TNS2: variants seen among roughly 807,000 people sequenced by gnomAD.
TNS2 encodes the protein tensin 2, also known as tensin-2.
In TNS2, 77 loss-of-function variants were observed where a neutral mutation model predicts 155.7. The ratio of observed to expected loss-of-function variants is 0.49; its 90% CI spans 0.41 to 0.60. The LOEUF (loss-of-function observed/expected upper bound fraction) is 0.60, where lower values mean the gene tolerates loss of function less well. TNS2 is among the 20% of genes least tolerant of loss of function. The probability of loss-of-function intolerance (pLI) is 0.00; values close to 1 mark genes in which losing one functional copy is unlikely to be tolerated. For missense variants in TNS2, 1,703 were observed against 1,868.8 expected (o/e 0.91, Z 1.64); for synonymous variants, 726 against 763.9 (o/e 0.95, Z 0.82).
In TNS2 at chr12:53,050,093, C is replaced by G; in HGVS notation, c.-93C>G. On this transcript the variant is annotated 5_prime_UTR_variant, in exon 1 of 29. Coordinates refer to ENST00000314250, the MANE Select transcript of TNS2 (RefSeq NM_170754.4). The surrounding 1 kb of genome is among the most constrained non-coding windows in gnomAD (Gnocchi z 4.7). ...CAGCCTACCCTCCGCCCAGGGGAAGCGGCTGCCTCCGCCAGGCCGCTTCCA... is the reference window on the plus strand; with the variant it reads ...CAGCCTACCCTCCGCCCAGGGGAAGGGGCTGCCTCCGCCAGGCCGCTTCCA... 3 of 1,548,824 alleles carry G rather than the reference C, an allele frequency of 1.9e-6. No homozygotes were observed. The highest frequency in any genetic ancestry group is 2.6e-6 in the Non-Finnish European group (3 of 1,150,430).
Position 53,063,746 on chromosome 12 carries a change from T to C in TNS2, c.4094T>C (p.Ile1365Thr). 1 of 1,614,114 alleles carries C rather than the reference T, an allele frequency of 6.2e-7. No homozygotes were observed. Residue 1365 changes from isoleucine to threonine, a missense_variant and splice_region_variant, in exon 29 of 29, where the codon ATC (isoleucine) becomes ACC (threonine). By Grantham distance (89) the Ile-to-Thr change is moderately conservative (BLOSUM62 -1). Coordinates refer to ENST00000314250, the MANE Select transcript of TNS2 (RefSeq NM_170754.4). The surrounding 1 kb of genome is among the most constrained non-coding windows in gnomAD (Gnocchi z 5.6). ...WTNPDGTTSK[I>T]FGFVAKKPGS... ...TTCCCCACCCTTTATCCCCCTAGGA[T>C]CTTTGGTTTCGTGGCCAAGAAGCCG... is the stretch of plus-strand genomic sequence containing the variant.
Position 53,061,858 on chromosome 12 carries a change from C to G in TNS2, c.3492C>G (p.Ile1164Met). The G allele has an allele frequency of 4.3e-6, 7 of 1,613,822 alleles. No individual in the cohort carries two copies. Among genetic ancestry groups the G allele is most frequent in the Non-Finnish European group, 5.9e-6 (7 of 1,179,996 alleles). ...LKDKDPGAFLIRDSHSFQGAY... is the reference protein window; with the variant it reads ...LKDKDPGAFLMRDSHSFQGAY... ...ACAAGGACCCTGGGGCCTTCCTGAT[C>G]AGGGACAGTCATTCATTCCAAGGAG... Residue 1164 changes from isoleucine to methionine, a missense_variant, in exon 22 of 29, where the codon ATC (isoleucine) becomes ATG (methionine). By Grantham distance (10) the Ile-to-Met change is conservative (BLOSUM62 1). Transcript: ENST00000314250.
Position 53,059,698 on chromosome 12 carries a change from C to T in TNS2, c.2057C>T (p.Ala686Val), listed in dbSNP as rs771304396. ...VVILEDPGLP[A>V]LYPCPACEEK... ...ATCCTGGAGGACCCTGGGCTGCCTG[C>T]CCTATACCCATGCCCAGCCTGCGAG... Residue 686 changes from alanine to valine, a missense_variant, in exon 18 of 29, where the codon GCC (alanine) becomes GTC (valine). By Grantham distance (64) the Ala-to-Val change is moderately conservative. Transcript: ENST00000314250. The surrounding 1 kb of genome is among the most constrained non-coding windows in gnomAD (Gnocchi z 4.7). 38 of 1,613,080 alleles carry T rather than the reference C, an allele frequency of 2.4e-5. No homozygotes were observed. Among genetic ancestry groups the T allele is most frequent in the African/African-American group, 1.3e-5 (1 of 74,912 alleles).
In TNS2 at chr12:53,060,704, C is replaced by T; in HGVS notation, c.2798C>T (p.Thr933Ile). 6.3e-7 allele frequency: 1 copy of T among 1,588,874 alleles called. No individual in the cohort carries two copies. The highest frequency in any genetic ancestry group is 8.6e-7 in the Non-Finnish European group (1 of 1,164,002). ...STRRQDTRSP[T>I]SAPTQRLSPG... is the part of the protein sequence containing the mutation. ...CGGCGACAGGACACCAGGTCCCCCACCTCAGCGCCCACTCAGAGACTGAGT... is the reference window on the plus strand; with the variant it reads ...CGGCGACAGGACACCAGGTCCCCCATCTCAGCGCCCACTCAGAGACTGAGT... Residue 933 changes from threonine to isoleucine, a missense_variant, in exon 20 of 29, where the codon ACC becomes ATC. Transcript: ENST00000314250. This position sits in a 1 kb window ranked among gnomAD's most constrained non-coding sequence, Gnocchi z 6.1.
chr12:53,056,253 A>C, intron 10 of TNS2: 1 of 163,362 alleles, frequency 6.1e-6, no homozygotes, highest in Non-Finnish European at 1.3e-5. Flanking sequence ...CCAGCTACTC[A>C]GGAGGCTGAG....
Position 53,052,456 on chromosome 12 carries a change from C to T in TNS2, c.186C>T (p.Val62=). 1 of 1,614,030 alleles carries T rather than the reference C, an allele frequency of 6.2e-7. No homozygotes were observed. Among genetic ancestry groups the T allele is most frequent in the East Asian group, 2.2e-5 (1 of 44,870 alleles). Residue 62 remains valine (V), a splice_region_variant and synonymous_variant, in exon 3 of 29, where the codon GTC becomes GTT. Coordinates refer to ENST00000314250, the MANE Select transcript of TNS2 (RefSeq NM_170754.4). ...CTCTCCTCCCCTTACCTTCCCTAGT[C>T]TGCAAGGTGGCGACGCACAGAAAAT... The part of the protein sequence containing the change: ...TIDGTGVSCR[V]CKVATHRKCE...
Position 53,063,709 on chromosome 12 carries a change from A to G in TNS2, c.4092-35A>G, listed in dbSNP as rs777966272. Reference sequence around the variant, plus strand: ...CCAGCTACATTCCCTTGTGGAAGGAATGTTAAGCCCCTTCCCCACCCTTTA... The same window carrying G: ...CCAGCTACATTCCCTTGTGGAAGGAGTGTTAAGCCCCTTCCCCACCCTTTA... On this transcript the variant is annotated intron_variant, in intron 28 of 28. Coordinates refer to ENST00000314250, the MANE Select transcript of TNS2 (RefSeq NM_170754.4). The surrounding 1 kb of genome is among the most constrained non-coding windows in gnomAD (Gnocchi z 5.6). 1 of 1,613,914 alleles carries G rather than the reference A, an allele frequency of 6.2e-7. No homozygotes were observed. Among genetic ancestry groups the G allele is most frequent in the South Asian group, 1.1e-5 (1 of 91,082 alleles).
intron 8 of TNS2, 147 bp from the exon 9 acceptor site, chr12:53,055,421 G>A: frequency 8.4e-7 from 1 of 1,192,604 alleles, no homozygotes. Flanking sequence ...CCCATTGTAT[G>A]GATAAGGAAA....
intron 6 of TNS2, 121 bp from the exon 7 acceptor site, chr12:53,054,149 G>C: frequency 6.5e-7 from 1 of 1,543,960 alleles, no homozygotes; most frequent in Non-Finnish European, 8.9e-7. Context: ...CCTCCAGACC[G>C]ATCCACCCAC....
rs750478437 is a variant in TNS2 at position 53,063,923 on chromosome 12, C to A, written c.*41C>A. 2.5e-6 allele frequency: 4 copies of A among 1,602,152 alleles called. No homozygotes were observed. The highest frequency in any genetic ancestry group is 2.2e-5 in the South Asian group (2 of 89,766). ...TCAGAGCCCACATCAACACTGCCCC[C>A]CTCCCAGCACCCCACAGCCCTCACA... On this transcript the variant is annotated 3_prime_UTR_variant, in exon 29 of 29. Coordinates refer to ENST00000314250, the MANE Select transcript of TNS2 (RefSeq NM_170754.4). The surrounding 1 kb of genome is among the most constrained non-coding windows in gnomAD (Gnocchi z 5.6).
In TNS2 at chr12:53,061,199, C is replaced by A; in HGVS notation, c.3293C>A (p.Ala1098Asp). 6.3e-7 allele frequency: 1 copy of A among 1,580,822 alleles called. No individual in the cohort carries two copies. Among genetic ancestry groups the A allele is most frequent in the Non-Finnish European group, 8.6e-7 (1 of 1,163,726 alleles). The change falls in exon 20 of 29, where the codon GCC becomes GAC. Residue 1098 changes from alanine to aspartate, a missense_variant. Coordinates refer to ENST00000314250, the MANE Select transcript of TNS2 (RefSeq NM_170754.4). ...GGCCCAGAGCAGGCATCATCGCCAG[C>A]CAGAGGCATCAGTCACCATGTCACC... is the stretch of plus-strand genomic sequence containing the variant. ...PWGPEQASSP[A>D]RGISHHVTFA...
At chr12:53,058,506 TGGCAGGCAGGC>T (rs1434450010) in intron 15 of TNS2, 55 bp from the exon 16 acceptor site, 1 of 984,438 alleles carries the variant, frequency 1.0e-6, no homozygotes, top group Non-Finnish European at 1.4e-6. Flanking sequence ...GGCAGGCAGG[TGGCAGGCAGGC>T]AGGAGAGTGT....
At position 53,061,025 on chromosome 12, in the gene TNS2, C is replaced by T. The variant is rs750869531; in HGVS notation, c.3119C>T (p.Pro1040Leu). Reference sequence around the variant, plus strand: ...CTCACTCCTGTGCCTTCCCAGATGCCCTGGCTTGTGGCCAGCCCAGAGCCG... The same window carrying T: ...CTCACTCCTGTGCCTTCCCAGATGCTCTGGCTTGTGGCCAGCCCAGAGCCG... ...SPLTPVPSQM[P>L]WLVASPEPPQ... Residue 1040 changes from proline to leucine, a missense_variant, in exon 20 of 29, where the codon CCC becomes CTC. Pro to Leu is a moderately conservative substitution (Grantham distance 98). Transcript: ENST00000314250. 3 of 1,613,800 alleles carry T rather than the reference C, an allele frequency of 1.9e-6. No individual in the cohort carries two copies. Among genetic ancestry groups the T allele is most frequent in the South Asian group, 1.1e-5 (1 of 91,080 alleles).
intron 3 of TNS2, chr12:53,053,179 G>A (rs373180460): frequency 3.8e-4 from 221 of 575,010 alleles, no homozygotes; most frequent in African/African-American, 3.6e-3. Flanking sequence ...GATGAATGGG[G>A]GTCTGTGTGG....
intron 7 of TNS2, among the ~76,000 whole-genome samples, 167 bp from the exon 8 acceptor site, chr12:53,055,019 G>C (rs1944095272): frequency 6.6e-6 from 1 of 151,944 alleles, no homozygotes. Flanking sequence ...CCTGACCTCA[G>C]GTGACCCGCC....
chr12:53,048,612 C>T (rs10437946), upstream of TNS2, among the ~76,000 whole-genome samples: 51,099 of 152,068 alleles, frequency 0.34, 9,912 homozygotes, highest in East Asian at 0.73. Flanking sequence ...TGCTCCTCTC[C>T]AGTTACAGGC....
In TNS2 at chr12:53,062,494, C is replaced by T. The variant is rs549863429; in HGVS notation, c.3745+41C>T. On this transcript the variant is annotated intron_variant, in intron 24 of 28. Transcript: ENST00000314250. ...TCTGTCCTCCCCACCTCTCCCTACCCCCTGCAGCCAAAGCAGGATCCAGAG... is the reference window on the plus strand; with the variant it reads ...TCTGTCCTCCCCACCTCTCCCTACCTCCTGCAGCCAAAGCAGGATCCAGAG... The T allele has an allele frequency of 1.6e-5, 25 of 1,611,376 alleles. No individual in the cohort carries two copies. In the East Asian group the frequency reaches 5.3e-4, roughly 34 times the overall value.
In TNS2 at chr12:53,063,799, C is replaced by G. The variant is rs1472666182; in HGVS notation, c.4147C>G (p.Leu1383Val). The change falls in exon 29 of 29, where the codon CTC becomes GTC. Residue 1383 changes from leucine to valine, a missense_variant. Transcript: ENST00000314250. The surrounding 1 kb of genome is among the most constrained non-coding windows in gnomAD (Gnocchi z 5.6). ...AAGCCCCTGGGAGAATGTGTGTCAC[C>G]TCTTTGCAGAGCTTGACCCAGATCA... ...PGSPWENVCH[L>V]FAELDPDQPA... 1.2e-6 allele frequency: 2 copies of G among 1,614,096 alleles called. No individual in the cohort carries two copies. The highest frequency in any genetic ancestry group is 1.7e-6 in the Non-Finnish European group (2 of 1,180,042).
At chr12:53,049,958 T>C (rs956034349), upstream of TNS2, 7 of 1,161,792 alleles carry the variant, frequency 6.0e-6, no homozygotes, top group Non-Finnish European at 3.5e-6. Flanking sequence ...TCTGATCTCC[T>C]GGCCTCCCCC....
Sources: gnomAD v4.1 joint callset for allele counts (sites outside exome capture counted in the v4.1 genomes callset) on GRCh38, gnomAD v4.1.1 for gene constraint, Gnocchi (gnomAD v3.1) non-coding constraint, MANE v1.5 for transcripts, NCBI Gene and HGNC (gene_info 2026-07-23, HGNC 2026-07-21) for gene names.